The following C7 variants were observed in gnomAD, a reference collection of about 807,000 sequenced individuals.
C7 encodes complement C7, also known as complement component C7.
A neutral mutation model predicts 104.8 loss-of-function variants in C7; 83 were observed. The observed-to-expected ratio is 0.79, with a 90% CI of 0.66 to 0.95. The LOEUF (loss-of-function observed/expected upper bound fraction) is 0.95, where lower values mean the gene tolerates loss of function less well. Ranked by LOEUF, C7 falls within the 40% of genes least tolerant of loss-of-function variation. The pLI, the probability that C7 is intolerant of heterozygous loss-of-function variation, is 0.00. For synonymous variants in C7, 415 were observed against 360.6 expected (o/e 1.15, Z -1.71); for missense variants, 1,070 against 1,011.2 (o/e 1.06, Z -0.79).
intron 6 of C7, among the ~76,000 whole-genome samples, chr5:40,943,827 A>T (rs1042273342): frequency 1.4e-5 from 2 of 146,288 alleles, no homozygotes; most frequent in African/African-American, 5.1e-5. Context: ...GTTGAAATCC[A>T]TCTTCTTATC....
At chr5:40,939,712 T>G (rs1311050114) in intron 6 of C7, among the ~76,000 whole-genome samples, 1 of 152,208 alleles carries the variant, frequency 6.6e-6, no homozygotes, top group Non-Finnish European at 1.5e-5. Context: ...TGCATGTATA[T>G]TTTTGAAAGG....
chr5:40,922,666 A>T (rs1579839896), intron 1 of C7, among the ~76,000 whole-genome samples: 1 of 142,370 alleles, frequency 7.0e-6, no homozygotes, highest in East Asian at 2.2e-4. Flanking sequence ...GCACTACTGC[A>T]CTCCAGCCTG....
chr5:40,952,326 C>T (rs1004112878), intron 9 of C7, among the ~76,000 whole-genome samples: 1 of 152,074 alleles, frequency 6.6e-6, no homozygotes, highest in Admixed American at 6.6e-5. Context: ...AATGCAAATG[C>T]ATAAAATTTG....
chr5:40,953,762 CACAA>C (rs1740227836), intron 9 of C7, among the ~76,000 whole-genome samples: 1 of 85,340 alleles, frequency 1.2e-5, no homozygotes, highest in South Asian at 4.1e-4. Context: ...ATGTTCCCAA[CACAA>C]ACAAATGGTA....
intron 1 of C7, among the ~76,000 whole-genome samples, chr5:40,910,427 A>T (rs1448950081): frequency 6.6e-6 from 1 of 152,136 alleles, no homozygotes; most frequent in Non-Finnish European, 1.5e-5. Flanking sequence ...TAGTCACTGT[A>T]TTGTCCATTG....
At chr5:40,927,623 G>A (rs1643965236) in intron 1 of C7, among the ~76,000 whole-genome samples, 1 of 151,920 alleles carries the variant, frequency 6.6e-6, no homozygotes, top group Non-Finnish European at 1.5e-5. Flanking sequence ...ATAAAAAATG[G>A]GCAAGAGACC....
At chr5:40,947,485 T>C in intron 7 of C7, 117 bp from the exon 8 acceptor site, 1 of 1,139,720 alleles carries the variant, frequency 8.8e-7, no homozygotes, top group African/African-American at 1.6e-5. Flanking sequence ...AAATAAAAAT[T>C]CTTGTAGTCT....
chr5:40,968,677 T>C (rs1011700899), intron 14 of C7, among the ~76,000 whole-genome samples: 6 of 142,092 alleles, frequency 4.2e-5, no homozygotes, highest in African/African-American at 1.3e-4. Flanking sequence ...AGTGGTGCAA[T>C]CTTGGCTCAC....
intron 14 of C7, among the ~76,000 whole-genome samples, chr5:40,970,917 A>G (rs1740685054): frequency 6.6e-6 from 1 of 152,182 alleles, no homozygotes; most frequent in Non-Finnish European, 1.5e-5. Flanking sequence ...ATGTCTCTGC[A>G]AAGGACATTA....
chr5:40,928,889 A>C (rs1739613901), intron 2 of C7, among the ~76,000 whole-genome samples: 1 of 152,218 alleles, frequency 6.6e-6, no homozygotes, highest in African/African-American at 2.4e-5. Flanking sequence ...TTTTTGTCTC[A>C]GTGCCGTGGT....
chr5:40,951,298 T>C (rs892003367), intron 9 of C7, among the ~76,000 whole-genome samples: 1 of 152,192 alleles, frequency 6.6e-6, no homozygotes, highest in Non-Finnish European at 1.5e-5. Flanking sequence ...TTTGCAAATA[T>C]TTTTTCCCAT....
At chr5:40,973,260 A>G (rs1312904680) in intron 15 of C7, among the ~76,000 whole-genome samples, 2 of 152,226 alleles carry the variant, frequency 1.3e-5, no homozygotes, top group East Asian at 3.8e-4. Flanking sequence ...TTGTTTGACA[A>G]TAACCCCTTA....
chr5:40,921,099 A>T (rs1030439786), intron 1 of C7, among the ~76,000 whole-genome samples: 1 of 152,158 alleles, frequency 6.6e-6, no homozygotes, highest in Non-Finnish European at 1.5e-5. Flanking sequence ...TAGCAGTGAT[A>T]AATTAATTCA....
chr5:40,970,730 G>A (rs139754270), intron 14 of C7, among the ~76,000 whole-genome samples: 157 of 152,124 alleles, frequency 1.0e-3, no homozygotes, highest in African/African-American at 3.7e-3. Flanking sequence ...CATGCATTAG[G>A]TATTTTTCCT....
Position 40,972,434 on chromosome 5 carries a change from T to A in C7, c.1914T>A (p.Asp638Glu), listed in dbSNP as rs747515166. 1.7e-5 allele frequency: 27 copies of A among 1,613,818 alleles called. No individual in the cohort carries two copies. The Admixed American group carries it at 4.3e-4, about 26-fold the overall frequency. ...CCTGTGTTCTACCTGTACTGATGGA[T>A]GGCATACAGAGTCACCCCCAAAAAC... ...KIACVLPVLM[D>E]GIQSHPQKPF... Residue 638 changes from aspartate to glutamate, a missense_variant, in exon 15 of 18, where the codon GAT becomes GAA. Asp to Glu is a conservative substitution (Grantham distance 45). Coordinates refer to ENST00000313164, the MANE Select transcript of C7 (RefSeq NM_000587.4).
chr5:40,981,349 C>T, intron 17 of C7, 43 bp from the exon 18 acceptor site: 1 of 1,569,840 alleles, frequency 6.4e-7, no homozygotes, highest in Non-Finnish European at 8.7e-7. Flanking sequence ...GACTCCCCGA[C>T]CTCCACAATG....
chr5:40,965,642 A>AT (rs1472269042), intron 14 of C7, among the ~76,000 whole-genome samples: 1,965 of 60,176 alleles, frequency 0.033, 23 homozygotes, highest in South Asian at 0.057. Flanking sequence ...ATATATATAT[A>AT]TATATATTTT....
rs182329562 is a variant in C7, at chr5:40,972,505, G to A, written c.1985G>A (p.Gly662Asp). ...AAGGTGACTGTTTCCTGTTCAGGTG[G>A]CATGTCCTTAGAAGGTCCTTCAGCA... ...GEKVTVSCSG[G>D]MSLEGPSAFL... Residue 662 changes from glycine to aspartate, a missense_variant, in exon 15 of 18, where the codon GGC (glycine) becomes GAC (aspartate). Coordinates refer to ENST00000313164, the MANE Select transcript of C7 (RefSeq NM_000587.4). 142 of 1,613,818 alleles carry A rather than the reference G, an allele frequency of 8.8e-5. 1 individual carries two copies. The highest frequency in any genetic ancestry group is 1.1e-4 in the Non-Finnish European group (132 of 1,179,754).
intron 3 of C7, among the ~76,000 whole-genome samples, chr5:40,931,421 CTT>C (rs1354314649): frequency 6.6e-6 from 1 of 152,148 alleles, no homozygotes; most frequent in Non-Finnish European, 1.5e-5. Flanking sequence ...TTTACTAACT[CTT>C]TAACTATGAG....
Sources: allele counts gnomAD v4.1 joint callset (sites outside exome capture counted in the v4.1 genomes callset), GRCh38; gene constraint gnomAD v4.1.1; transcripts MANE v1.5; gene names NCBI Gene and HGNC (gene_info 2026-07-23, HGNC 2026-07-21).